TSPAN18: variants seen among roughly 807,000 people sequenced by gnomAD.
TSPAN18 encodes the protein tetraspanin-18.
A neutral mutation model predicts 27.3 loss-of-function variants in TSPAN18; 14 were observed. The observed-to-expected ratio is 0.51, with a 90% CI of 0.34 to 0.80. The LOEUF is 0.80. Among genes scored for constraint, TSPAN18 ranks in the 30% least tolerant of loss-of-function variants. The pLI, the probability that TSPAN18 is intolerant of heterozygous loss-of-function variation, is 0.01. For missense variants in TSPAN18, 268 were observed against 323.9 expected, an observed-to-expected ratio of 0.83 and a Z score of 1.32; for synonymous variants, 143 against 136.5, an observed-to-expected ratio of 1.05 and a Z score of -0.33.
At chr11:44,828,071 TATC>T (rs1857080932) in intron 2 of TSPAN18, among the ~76,000 whole-genome samples, 2 of 152,182 alleles carry the variant, frequency 1.3e-5, no homozygotes, top group Non-Finnish European at 2.9e-5. Context: ...ACCTTATTGT[TATC>T]ATTATTATGT....
intron 1 of TSPAN18, among the ~76,000 whole-genome samples, chr11:44,730,446 G>A (rs948381091): frequency 6.6e-6 from 1 of 152,058 alleles, no homozygotes; most frequent in Non-Finnish European, 1.5e-5. Context: ...CACAGGGAGG[G>A]GGCCTTGGAA....
intron 2 of TSPAN18, among the ~76,000 whole-genome samples, chr11:44,812,403 G>T (rs778662731): frequency 3.3e-5 from 5 of 152,186 alleles, no homozygotes; most frequent in Non-Finnish European, 7.3e-5. Flanking sequence ...CCTGCTGTGT[G>T]TATGATGTAG....
At chr11:44,744,645 A>G (rs1225505363) in intron 1 of TSPAN18, among the ~76,000 whole-genome samples, 2 of 152,242 alleles carry the variant, frequency 1.3e-5, no homozygotes, top group African/African-American at 2.4e-5. Flanking sequence ...GGGTTGGGAT[A>G]AATTATCTTC....
chr11:44,783,399 C>CT (rs575307346), intron 2 of TSPAN18, among the ~76,000 whole-genome samples: 19,604 of 142,044 alleles, frequency 0.14, 1,548 homozygotes, highest in Middle Eastern at 0.21. Flanking sequence ...TCTTTCTTTT[C>CT]TTTTTTTTTT....
chr11:44,888,783 A>C (rs1371347418), intron 3 of TSPAN18, among the ~76,000 whole-genome samples: 1 of 152,194 alleles, frequency 6.6e-6, no homozygotes, highest in African/African-American at 2.4e-5. Flanking sequence ...CCTGTCCAGG[A>C]TTTGAATTCC....
chr11:44,920,115 A>G, intron 8 of TSPAN18, 116 bp downstream of exon 8: 1 of 1,090,066 alleles, frequency 9.2e-7, no homozygotes, highest in Non-Finnish European at 1.3e-6. Flanking sequence ...AATCCCAGGG[A>G]AGTGTTGGCC....
intron 1 of TSPAN18, among the ~76,000 whole-genome samples, chr11:44,729,037 G>T (rs1477976117): frequency 2.0e-5 from 3 of 152,182 alleles, no homozygotes; most frequent in Non-Finnish European, 2.9e-5. Context: ...GGGAAATGGG[G>T]GTCCCTGAAA....
At chr11:44,882,659 G>A (rs571143214) in intron 3 of TSPAN18, among the ~76,000 whole-genome samples, 1 of 151,808 alleles carries the variant, frequency 6.6e-6, no homozygotes, top group East Asian at 1.9e-4. Context: ...ATGTATGTGT[G>A]TGTTCCAAGA....
chr11:44,763,477 T>C (rs1855498664), intron 1 of TSPAN18, among the ~76,000 whole-genome samples: 1 of 152,170 alleles, frequency 6.6e-6, no homozygotes, highest in Non-Finnish European at 1.5e-5. Context: ...ACTGAATTCT[T>C]TTTTTACCAC....
chr11:44,739,833 C>G (rs1226755678), intron 1 of TSPAN18, among the ~76,000 whole-genome samples: 1 of 152,198 alleles, frequency 6.6e-6, no homozygotes, highest in Non-Finnish European at 1.5e-5. Context: ...GAGTTTGAAG[C>G]TGGTGCTTGA....
chr11:44,910,238 T>G (rs934009562), intron 5 of TSPAN18, among the ~76,000 whole-genome samples: 1 of 152,218 alleles, frequency 6.6e-6, no homozygotes, highest in Non-Finnish European at 1.5e-5. Flanking sequence ...TAGCCCTTCC[T>G]CTCTCCCACT....
chr11:44,928,051 C>T (rs1338223934), intron 9 of TSPAN18, among the ~76,000 whole-genome samples: 1 of 152,220 alleles, frequency 6.6e-6, no homozygotes, highest in Non-Finnish European at 1.5e-5. Context: ...CCCTCCCCAC[C>T]CCAGTGAGCC....
chr11:44,767,802 T>C (rs1000688808), intron 2 of TSPAN18, among the ~76,000 whole-genome samples: 2 of 152,236 alleles, frequency 1.3e-5, no homozygotes, highest in African/African-American at 2.4e-5. Flanking sequence ...AGGGATTCAG[T>C]GTCATTCTAG....
intron 1 of TSPAN18, among the ~76,000 whole-genome samples, chr11:44,763,787 G>A (rs1855504900): frequency 6.6e-6 from 1 of 152,142 alleles, no homozygotes; most frequent in Non-Finnish European, 1.5e-5. Flanking sequence ...CCCATTCACA[G>A]GCTCTGGGGA....
chr11:44,894,477 G>A (rs946632404), intron 3 of TSPAN18, among the ~76,000 whole-genome samples: 6 of 152,192 alleles, frequency 3.9e-5, no homozygotes, highest in African/African-American at 1.4e-4. Context: ...GGGGCGGGGG[G>A]GAGTGAAAGT....
At chr11:44,778,973 T>A (rs1274138315) in intron 2 of TSPAN18, among the ~76,000 whole-genome samples, 2 of 152,060 alleles carry the variant, frequency 1.3e-5, no homozygotes, top group African/African-American at 4.8e-5. Context: ...CCCAGGATGG[T>A]TAGATGCCAT....
intron 3 of TSPAN18, among the ~76,000 whole-genome samples, chr11:44,862,751 G>C (rs562133873): frequency 5.3e-5 from 8 of 152,292 alleles, no homozygotes; most frequent in Non-Finnish European, 1.0e-4. Flanking sequence ...GGGCTGGCTT[G>C]GTAGATATGT....
At chr11:44,888,644 G>A (rs951018677) in intron 3 of TSPAN18, among the ~76,000 whole-genome samples, 2 of 152,162 alleles carry the variant, frequency 1.3e-5, no homozygotes, top group African/African-American at 4.8e-5. Flanking sequence ...GAGTACCTAG[G>A]TTGGAAGCCT....
chr11:44,744,933 G>C (rs1311953366), intron 1 of TSPAN18, among the ~76,000 whole-genome samples: 2 of 152,192 alleles, frequency 1.3e-5, no homozygotes, highest in Admixed American at 1.3e-4. Flanking sequence ...GTTTTACCCA[G>C]GCTCAGCAGG....
Sources: allele counts gnomAD v4.1 joint callset (sites outside exome capture counted in the v4.1 genomes callset), GRCh38; gene constraint gnomAD v4.1.1; transcripts MANE v1.5; gene names NCBI Gene and HGNC (gene_info 2026-07-23, HGNC 2026-07-21).